Variants in PPP2R2C observed in about 807,000 individuals in gnomAD.
PPP2R2C encodes the protein protein phosphatase 2 regulatory subunit Bgamma.
A neutral mutation model predicts 45.3 loss-of-function variants in PPP2R2C; 10 were observed. The ratio of observed to expected loss-of-function variants is 0.22; its 90% CI spans 0.14 to 0.37. The LOEUF (loss-of-function observed/expected upper bound fraction) is 0.37, where lower values mean the gene tolerates loss of function less well. PPP2R2C is among the 10% of genes least tolerant of loss of function. PPP2R2C has a pLI of 1.00. For missense variants in PPP2R2C, 308 were observed against 619.7 expected (o/e 0.50, Z 5.34); for synonymous variants, 257 against 245.4 (o/e 1.05, Z -0.44).
intron 2 of PPP2R2C, among the ~76,000 whole-genome samples, chr4:6,521,905 A>G (rs1560600807): frequency 6.6e-6 from 1 of 152,132 alleles, no homozygotes; most frequent in Non-Finnish European, 1.5e-5. Flanking sequence ...CTCCAGAGCC[A>G]CCCACTAAAC....
chr4:6,358,427 C>T (rs1713419629), intron 5 of PPP2R2C, among the ~76,000 whole-genome samples: 1 of 150,840 alleles, frequency 6.6e-6, no homozygotes, highest in Non-Finnish European at 1.5e-5. Flanking sequence ...TAGGCATGGG[C>T]AAGGACTTCA....
At chr4:6,410,658 C>T (rs1718107664) in intron 1 of PPP2R2C, among the ~76,000 whole-genome samples, 1 of 151,982 alleles carries the variant, frequency 6.6e-6, no homozygotes, top group African/African-American at 2.4e-5. Flanking sequence ...GAAGCAACTG[C>T]ATACACCTGC....
At chr4:6,386,874 A>G (rs1716252920) in intron 1 of PPP2R2C, among the ~76,000 whole-genome samples, 1 of 152,256 alleles carries the variant, frequency 6.6e-6, no homozygotes, top group Admixed American at 6.5e-5. Context: ...AATAAATCTC[A>G]GCAGAGAAAT....
chr4:6,498,927 T>G (rs1722959626), intron 2 of PPP2R2C, among the ~76,000 whole-genome samples: 1 of 152,110 alleles, frequency 6.6e-6, no homozygotes, highest in Non-Finnish European at 1.5e-5. Context: ...CATATTCTTC[T>G]CCCTCTCCCC....
upstream of PPP2R2C, among the ~76,000 whole-genome samples, chr4:6,473,798 G>A (rs2108773052): frequency 6.6e-6 from 1 of 152,340 alleles, no homozygotes; most frequent in East Asian, 1.9e-4. Flanking sequence ...TGCCGTCTCA[G>A]ATTTCTTGGA....
chr4:6,362,822 T>C (rs992162270), intron 5 of PPP2R2C, among the ~76,000 whole-genome samples: 1 of 152,170 alleles, frequency 6.6e-6, no homozygotes, highest in Non-Finnish European at 1.5e-5. Context: ...GTTAAGTGCA[T>C]GGTTCTGCAT....
chr4:6,407,053 C>A (rs1717844269), intron 1 of PPP2R2C, among the ~76,000 whole-genome samples: 1 of 152,160 alleles, frequency 6.6e-6, no homozygotes, highest in Non-Finnish European at 1.5e-5. Context: ...ATGCTGGCAG[C>A]CTCTAGAGAA....
At chr4:6,485,546 A>C (rs1722503635) in intron 2 of PPP2R2C, among the ~76,000 whole-genome samples, 1 of 151,962 alleles carries the variant, frequency 6.6e-6, no homozygotes, top group Admixed American at 6.5e-5. Context: ...CAATTTACTC[A>C]ATAGTTATAG....
At chr4:6,381,882 G>A (rs553208463) in intron 1 of PPP2R2C, 4 of 1,607,738 alleles carry the variant, frequency 2.5e-6, no homozygotes, top group African/African-American at 2.7e-5. Context: ...GGAACTAGGG[G>A]AACACCCCTT....
chr4:6,458,957 A>T (rs1216578475), intron 1 of PPP2R2C, among the ~76,000 whole-genome samples: 1 of 152,256 alleles, frequency 6.6e-6, no homozygotes, highest in African/African-American at 2.4e-5. Context: ...AGGGATCCAC[A>T]GAATCATGGA....
chr4:6,520,200 A>G (rs566466122), intron 2 of PPP2R2C, among the ~76,000 whole-genome samples: 1 of 152,092 alleles, frequency 6.6e-6, no homozygotes, highest in East Asian at 1.9e-4. Context: ...AAGAATGACA[A>G]TGGTGCCTGC....
rs558627337 is a variant in PPP2R2C at position 6,350,934 on chromosome 4, C to T, written c.626-2924G>A. 1.1e-4 allele frequency: 107 copies of T among 985,362 alleles called. 1 individual carries two copies. The Admixed American group carries it at 5.5e-3, about 50-fold the overall frequency. The allele number at this position is 985,362 out of a possible 1,614,324, so 61.0% of individuals were successfully genotyped here. A position where few individuals can be genotyped will look rare whatever the true frequency, so the allele number is the denominator to read the frequency against. The stretch of plus-strand genomic sequence containing the variant: ...CAGGTTGTTTGCTACCACTGCAAAA[C>T]GTGAGCCCCCTGACAGGTTCAGTGT... On this transcript the variant is annotated intron_variant, in intron 5 of 8. Coordinates refer to ENST00000382599, the MANE Select transcript of PPP2R2C (RefSeq NM_020416.4).
chr4:6,499,393 A>G (rs1032264882), intron 2 of PPP2R2C, among the ~76,000 whole-genome samples: 3 of 152,214 alleles, frequency 2.0e-5, no homozygotes, highest in Non-Finnish European at 2.9e-5. Context: ...CTTCGGCTGC[A>G]TGAGTCCTCT....
chr4:6,562,451 G>A (rs1405361167), intron 1 of PPP2R2C, among the ~76,000 whole-genome samples: 2 of 134,374 alleles, frequency 1.5e-5, no homozygotes, highest in African/African-American at 5.5e-5. Context: ...GATAATGTGG[G>A]GAGGATTCAA....
intron 1 of PPP2R2C, among the ~76,000 whole-genome samples, chr4:6,400,935 A>G (rs928004112): frequency 9.9e-5 from 15 of 152,186 alleles, no homozygotes; most frequent in Non-Finnish European, 1.6e-4. Context: ...GTTGAGGAAC[A>G]TTTCAAGGGG....
intron 1 of PPP2R2C, among the ~76,000 whole-genome samples, chr4:6,544,093 C>T (rs1295343444): frequency 6.6e-6 from 1 of 152,156 alleles, no homozygotes; most frequent in Admixed American, 6.5e-5. Flanking sequence ...CATTTGTTTA[C>T]TGAAGGACAA....
At chr4:6,496,392 T>C (rs1441641208) in intron 2 of PPP2R2C, among the ~76,000 whole-genome samples, 1 of 152,166 alleles carries the variant, frequency 6.6e-6, no homozygotes, top group East Asian at 1.9e-4. Context: ...ATCTGTGAAA[T>C]GGACGCAACA....
chr4:6,515,809 G>T (rs2108809454), intron 2 of PPP2R2C, among the ~76,000 whole-genome samples: 1 of 152,340 alleles, frequency 6.6e-6, no homozygotes. Context: ...GAAACCAGAA[G>T]TCCAAGATCG....
At chr4:6,382,024 G>GGACA in intron 1 of PPP2R2C, 1 of 1,409,834 alleles carries the variant, frequency 7.1e-7, no homozygotes, top group Non-Finnish European at 9.2e-7. Context: ...CCCCACTGGA[G>GGACA]GACAGCTCAC....
Sources: allele counts gnomAD v4.1 joint callset (sites outside exome capture counted in the v4.1 genomes callset), GRCh38; gene constraint gnomAD v4.1.1; transcripts MANE v1.5; gene names NCBI Gene and HGNC (gene_info 2026-07-23, HGNC 2026-07-21).